Variants in PARD3B observed in about 807,000 individuals in gnomAD.
The protein encoded by PARD3B is par-3 family cell polarity regulator beta, also known as partitioning defective 3 homolog B.
PARD3B carries 103 observed loss-of-function variants against 130.2 expected under a neutral mutation model. The observed-to-expected ratio is 0.79, with a 90% CI of 0.67 to 0.93. PARD3B has a LOEUF of 0.93. Among genes scored for constraint, PARD3B ranks in the 40% least tolerant of loss-of-function variants. PARD3B has a pLI of 0.00. For missense variants in PARD3B, 1,609 were observed against 1,499.2 expected (o/e 1.07, Z -1.21); for synonymous variants, 583 against 553.2 (o/e 1.05, Z -0.76).
At chr2:205,303,242 C>G (rs1391024800) in intron 18 of PARD3B, among the ~76,000 whole-genome samples, 1 of 152,138 alleles carries the variant, frequency 6.6e-6, no homozygotes, top group African/African-American at 2.4e-5. Flanking sequence ...TCTTTGGAAC[C>G]AGGAGACAAA....
intron 2 of PARD3B, among the ~76,000 whole-genome samples, chr2:204,885,139 T>TTGCCA (rs1236211259): frequency 3.9e-5 from 6 of 152,228 alleles, no homozygotes; most frequent in Non-Finnish European, 8.8e-5. Context: ...TGCCAGCATC[T>TTGCCA]GTTGTTTCTT....
At chr2:205,090,321 A>G (rs1470030077) in intron 4 of PARD3B, among the ~76,000 whole-genome samples, 1 of 152,224 alleles carries the variant, frequency 6.6e-6, no homozygotes, top group Non-Finnish European at 1.5e-5. Context: ...CATTTGGGAC[A>G]CTGTTTTGTT....
chr2:204,837,949 C>A (rs2044112397), intron 2 of PARD3B, among the ~76,000 whole-genome samples: 1 of 152,136 alleles, frequency 6.6e-6, no homozygotes, highest in African/African-American at 2.4e-5. Flanking sequence ...TTCAGCAGAA[C>A]TATCTGGAGC....
chr2:205,392,814 A>G (rs907072594), intron 18 of PARD3B, among the ~76,000 whole-genome samples: 1 of 152,220 alleles, frequency 6.6e-6, no homozygotes, highest in Admixed American at 6.5e-5. Context: ...AGCTACAGGC[A>G]TAGCCAAGGC....
rs1249119571 is a variant in PARD3B at position 204,677,113 on chromosome 2, T to C, written c.121-9068T>C. On this transcript the variant is annotated intron_variant, in intron 1 of 22. Transcript: ENST00000406610. The surrounding 1 kb of genome is among the most constrained non-coding windows in gnomAD (Gnocchi z 4.1). ...TTGGATTGGAGATCTCCTATGGTCA[T>C]TTAACTCTCTGCTGTTACCTCTGTT... Among the ~76,000 whole-genome samples the C allele has an allele frequency of 6.6e-6, 1 of 152,210 alleles. No homozygotes were observed. Among genetic ancestry groups the C allele is most frequent in the East Asian group, 1.9e-4 (1 of 5,184 alleles).
At chr2:205,150,228 T>TGA (rs1327047292) in intron 10 of PARD3B, among the ~76,000 whole-genome samples, 2 of 119,238 alleles carry the variant, frequency 1.7e-5, no homozygotes, top group Non-Finnish European at 3.7e-5. Flanking sequence ...TGTGTGTGTG[T>TGA]GTGTGTGTGT....
At chr2:205,196,595 TTCC>T (rs2036695414) in intron 15 of PARD3B, among the ~76,000 whole-genome samples, 1 of 152,230 alleles carries the variant, frequency 6.6e-6, no homozygotes. Context: ...TTATCTCATT[TTCC>T]TCTGGTACTT....
intron 2 of PARD3B, among the ~76,000 whole-genome samples, chr2:204,903,305 G>C (rs192684886): frequency 6.6e-6 from 1 of 152,306 alleles, no homozygotes; most frequent in Non-Finnish European, 1.5e-5. Flanking sequence ...GAAAGACCAT[G>C]CAAGGGCTAA....
At chr2:205,064,135 GA>G (rs1700220770) in intron 4 of PARD3B, among the ~76,000 whole-genome samples, 1 of 152,156 alleles carries the variant, frequency 6.6e-6, no homozygotes, top group African/African-American at 2.4e-5. Context: ...AACAATTTAA[GA>G]ACTAATTCCA....
chr2:205,016,601 C>A (rs185593600), intron 3 of PARD3B, among the ~76,000 whole-genome samples: 1 of 152,248 alleles, frequency 6.6e-6, no homozygotes, highest in East Asian at 1.9e-4. Context: ...TACTCTGATT[C>A]CCATGGAAAC....
chr2:205,081,716 T>C (rs1047496621), intron 4 of PARD3B, among the ~76,000 whole-genome samples: 1 of 152,140 alleles, frequency 6.6e-6, no homozygotes, highest in Non-Finnish European at 1.5e-5. Context: ...CAAGTTTGCA[T>C]TCCTGGTGAA....
At chr2:205,519,717 A>G (rs1014788618) in intron 21 of PARD3B, among the ~76,000 whole-genome samples, 2 of 152,130 alleles carry the variant, frequency 1.3e-5, no homozygotes, top group Non-Finnish European at 2.9e-5. Context: ...TGGGTGTTCC[A>G]TTTACTGCAG....
chr2:204,584,532 G>A (rs975000060), intron 1 of PARD3B, among the ~76,000 whole-genome samples: 1 of 152,040 alleles, frequency 6.6e-6, no homozygotes, highest in African/African-American at 2.4e-5. Flanking sequence ...ACAAGCATAC[G>A]TTCTTACATT....
At chr2:205,331,378 C>T (rs781357451) in intron 18 of PARD3B, among the ~76,000 whole-genome samples, 2 of 151,918 alleles carry the variant, frequency 1.3e-5, no homozygotes, top group African/African-American at 4.8e-5. Flanking sequence ...TAGGAGTTTC[C>T]CTTTTCCTAG....
chr2:204,593,338 A>G (rs565500795), intron 1 of PARD3B, among the ~76,000 whole-genome samples: 85 of 152,194 alleles, frequency 5.6e-4, no homozygotes, highest in Non-Finnish European at 1.0e-3. Context: ...TGGGTAGGGG[A>G]GGGGGCTTGC....
intron 2 of PARD3B, among the ~76,000 whole-genome samples, chr2:204,911,519 G>T (rs548715743): frequency 6.6e-6 from 1 of 152,128 alleles, no homozygotes; most frequent in Non-Finnish European, 1.5e-5. Flanking sequence ...ATTTTCTATT[G>T]TAAATTTCCA....
At chr2:204,584,672 T>G (rs1383983982) in intron 1 of PARD3B, among the ~76,000 whole-genome samples, 4 of 152,098 alleles carry the variant, frequency 2.6e-5, no homozygotes, top group Non-Finnish European at 1.5e-5. Context: ...ATGTGGACAT[T>G]GGGGTTTTAA....
chr2:204,844,077 C>T (rs1173444928), intron 2 of PARD3B, among the ~76,000 whole-genome samples: 2 of 152,114 alleles, frequency 1.3e-5, no homozygotes, highest in African/African-American at 2.4e-5. Context: ...AGAAACTACT[C>T]GTTTGTAAAC....
intron 4 of PARD3B, among the ~76,000 whole-genome samples, chr2:205,052,833 T>C (rs1047190627): frequency 2.0e-5 from 3 of 152,134 alleles, no homozygotes; most frequent in Non-Finnish European, 2.9e-5. Context: ...GTTTTTGCAT[T>C]TTTTCATTGA....
Sources: allele counts gnomAD v4.1 joint callset (sites outside exome capture counted in the v4.1 genomes callset), GRCh38; gene constraint gnomAD v4.1.1; non-coding constraint Gnocchi (gnomAD v3.1); transcripts MANE v1.5; gene names NCBI Gene and HGNC (gene_info 2026-07-23, HGNC 2026-07-21).